The following PSEN1 variants were observed in gnomAD, a reference collection of about 807,000 sequenced individuals.
PSEN1 encodes presenilin-1.
In PSEN1, 15 loss-of-function variants were observed where a neutral mutation model predicts 53.5. That is an observed-to-expected ratio of 0.28 (90% CI 0.19 to 0.43). The LOEUF is 0.43. PSEN1 is among the 20% of genes least tolerant of loss of function. The pLI is 1.00. For synonymous variants in PSEN1, 208 were observed against 209.8 expected (o/e 0.99, Z 0.08); for missense variants, 387 against 571.2 (o/e 0.68, Z 3.29).
chr14:73,216,971 AAAAG>A (rs1360531362), intron 10 of PSEN1, among the ~76,000 whole-genome samples, 151 bp from the exon 11 acceptor site: 1 of 152,202 alleles, frequency 6.6e-6, no homozygotes, highest in Non-Finnish European at 1.5e-5. Context: ...AGAAAACCAA[AAAAG>A]AAAGAAAACA....
intron 1 of PSEN1, among the ~76,000 whole-genome samples, chr14:73,141,596 A>G (rs1010272465): frequency 2.0e-5 from 3 of 152,004 alleles, no homozygotes; most frequent in Non-Finnish European, 4.4e-5. Flanking sequence ...CCTGGCCAAC[A>G]TGCTAAATGA....
chr14:73,161,558 A>T (rs1050039292), intron 3 of PSEN1, among the ~76,000 whole-genome samples: 9 of 152,106 alleles, frequency 5.9e-5, no homozygotes, highest in African/African-American at 2.2e-4. Context: ...TTAGCAACAG[A>T]AAAAGACACA....
chr14:73,214,530 C>CA (rs555608494), intron 10 of PSEN1, among the ~76,000 whole-genome samples: 347 of 73,840 alleles, frequency 4.7e-3, no homozygotes, highest in Middle Eastern at 0.029. Flanking sequence ...AACTCCATCT[C>CA]AAAAAAAAAA....
At chr14:73,192,367 G>C (rs748758205) in intron 6 of PSEN1, among the ~76,000 whole-genome samples, 11 of 152,210 alleles carry the variant, frequency 7.2e-5, no homozygotes, top group African/African-American at 1.2e-4. Flanking sequence ...CCTGATCTCC[G>C]GAGGTAAAGA....
chr14:73,212,078 A>G (rs1288152142), intron 10 of PSEN1, 136 bp downstream of exon 10: 6 of 200,110 alleles, frequency 3.0e-5, no homozygotes, highest in Non-Finnish European at 5.7e-5. Flanking sequence ...TGGATATATC[A>G]GTAATAGTGC....
At chr14:73,151,340 GA>G (rs1348117870) in intron 3 of PSEN1, among the ~76,000 whole-genome samples, 19 of 152,168 alleles carry the variant, frequency 1.2e-4, no homozygotes, top group Non-Finnish European at 5.9e-5. Context: ...GCACTTGTGT[GA>G]GTTTCTCAAA....
At chr14:73,201,262 A>AT (rs984124654) in intron 8 of PSEN1, among the ~76,000 whole-genome samples, 1 of 151,792 alleles carries the variant, frequency 6.6e-6, no homozygotes, top group East Asian at 2.0e-4. Flanking sequence ...TAATTTTTGT[A>AT]TTTTTAGTAG....
Position 73,198,119 on chromosome 14 carries a change from C to A in PSEN1, c.858C>A (p.Leu286=). The A allele has an allele frequency of 6.3e-7, 1 of 1,592,314 alleles. No individual in the cohort carries two copies. Among genetic ancestry groups the A allele is most frequent in the African/African-American group, 1.3e-5 (1 of 74,576 alleles). Residue 286 remains leucine, a synonymous_variant, in exon 8 of 12, where the codon CTC becomes CTA. Coordinates refer to ENST00000324501, the MANE Select transcript of PSEN1 (RefSeq NM_000021.4). ...QERNETLFPA[L]IYSSTMVWLV... is the part of the protein sequence containing the mutation. The stretch of plus-strand genomic sequence containing the variant: ...GAAATGAAACGCTTTTTCCAGCTCT[C>A]ATTTACTCCTGTAAGTATTTGAGAA...
intron 3 of PSEN1, among the ~76,000 whole-genome samples, chr14:73,158,051 C>T (rs1048004495): frequency 4.0e-5 from 6 of 151,426 alleles, no homozygotes; most frequent in Admixed American, 2.6e-4. Context: ...TTTTGAAATT[C>T]GTCCATGTTA....
chr14:73,186,429 T>C (rs754379992), intron 5 of PSEN1, among the ~76,000 whole-genome samples: 2 of 152,018 alleles, frequency 1.3e-5, no homozygotes, highest in African/African-American at 2.4e-5. Context: ...AATATCTAGG[T>C]AAAGCCATTC....
At chr14:73,192,515 T>TA in intron 6 of PSEN1, 129 bp from the exon 7 acceptor site, 1 of 723,348 alleles carries the variant, frequency 1.4e-6, no homozygotes, top group Non-Finnish European at 2.5e-6. Context: ...GCACAGTTGA[T>TA]ATAGGTTATG....
chr14:73,202,417 A>ATTATATATATATATAT (rs1566648023), intron 8 of PSEN1, among the ~76,000 whole-genome samples: 1 of 60,516 alleles, frequency 1.7e-5, no homozygotes, highest in African/African-American at 6.7e-5. Flanking sequence ...TCTATCACAT[A>ATTATATATATATATAT]CTATATATAT....
chr14:73,197,701 G>T, intron 7 of PSEN1: 1 of 321,924 alleles, frequency 3.1e-6, no homozygotes, highest in Admixed American at 4.7e-5. Context: ...GCTTAAAATA[G>T]TCTATCTCAT....
intron 7 of PSEN1, among the ~76,000 whole-genome samples, chr14:73,196,770 T>C (rs1051275177): frequency 3.3e-5 from 5 of 151,984 alleles, no homozygotes; most frequent in Admixed American, 1.3e-4. Context: ...CCACTGTGCC[T>C]GGCAAGACAT....
At chr14:73,183,838 C>T (rs1281049458) in intron 5 of PSEN1, among the ~76,000 whole-genome samples, 12 of 151,154 alleles carry the variant, frequency 7.9e-5, no homozygotes, top group East Asian at 7.8e-4. Flanking sequence ...GGGTGGTGGC[C>T]GGGCAGAGGG....
intron 3 of PSEN1, among the ~76,000 whole-genome samples, chr14:73,157,428 C>T (rs1897391828): frequency 6.6e-6 from 1 of 152,078 alleles, no homozygotes; most frequent in South Asian, 2.1e-4. Context: ...CGTGAGTCAC[C>T]ACGCCCAGCC....
At chr14:73,168,354 C>CAA (rs535866588) in intron 3 of PSEN1, 11 of 111,480 alleles carry the variant, frequency 9.9e-5, no homozygotes, top group East Asian at 2.6e-4. Flanking sequence ...GACTCTGTCT[C>CAA]AAAAAAAAAA....
chr14:73,212,811 A>G (rs1293517677), intron 10 of PSEN1, among the ~76,000 whole-genome samples: 1 of 152,230 alleles, frequency 6.6e-6, no homozygotes, highest in Non-Finnish European at 1.5e-5. Flanking sequence ...TTAGTCTTAG[A>G]GATGTGGTTC....
Position 73,222,558 on chromosome 14 carries a change from AAG to A in PSEN1, c.*3272_*3273del, listed in dbSNP as rs1385637442. On this transcript the variant is annotated 3_prime_UTR_variant, in exon 12 of 12. Coordinates refer to ENST00000324501, the MANE Select transcript of PSEN1 (RefSeq NM_000021.4). ...ATTTGTGATCTAACCCTGGAAGAAA[AAG>A]AGCTCAGAAACCACTATGAAAAAAT... 1 of 152,182 alleles carries A rather than the reference AAG, an allele frequency of 6.6e-6. No individual in the cohort carries two copies. Among genetic ancestry groups the A allele is most frequent in the Non-Finnish European group, 1.5e-5 (1 of 68,024 alleles). The allele number at this position is 152,182 out of a possible 1,614,324, so 9.4% of individuals were successfully genotyped here.
Sources: gnomAD v4.1 joint callset for allele counts (sites outside exome capture counted in the v4.1 genomes callset) on GRCh38, gnomAD v4.1.1 for gene constraint, MANE v1.5 for transcripts, NCBI Gene and HGNC (gene_info 2026-07-23, HGNC 2026-07-21) for gene names.